Variants in SEMA3A observed in about 807,000 individuals in gnomAD.
SEMA3A encodes the protein semaphorin-3A.
SEMA3A carries 29 observed loss-of-function variants against 97.9 expected under a neutral mutation model. The observed-to-expected ratio is 0.30, with a 90% confidence interval of 0.22 to 0.40. The LOEUF (loss-of-function observed/expected upper bound fraction) is 0.40, where lower values mean the gene tolerates loss of function less well. Among genes scored for constraint, SEMA3A ranks in the 10% least tolerant of loss-of-function variants. The pLI, the probability that SEMA3A is intolerant of heterozygous loss-of-function variation, is 1.00. For missense variants in SEMA3A, 763 were observed against 951.3 expected, an observed-to-expected ratio of 0.80 and a Z score of 2.60; for synonymous variants, 321 against 323.7, an observed-to-expected ratio of 0.99 and a Z score of 0.09.
At chr7:84,016,649 T>A (rs996054982) in intron 6 of SEMA3A, among the ~76,000 whole-genome samples, 4 of 152,164 alleles carry the variant, frequency 2.6e-5, no homozygotes, top group African/African-American at 9.6e-5. Flanking sequence ...CTCAGATGCA[T>A]ACTTTTCAAA....
At chr7:84,201,507 C>T (rs770087908) in intron 3 of SEMA3A, among the ~76,000 whole-genome samples, 3 of 151,920 alleles carry the variant, frequency 2.0e-5, no homozygotes, top group Admixed American at 1.3e-4. Context: ...CTTCTTTCCC[C>T]GCCCCCCAAT....
chr7:84,085,470 T>C (rs1794303776), intron 4 of SEMA3A, among the ~76,000 whole-genome samples: 1 of 152,006 alleles, frequency 6.6e-6, no homozygotes, highest in Admixed American at 6.6e-5. Context: ...TGAAAAACTG[T>C]AGTAAGACCA....
chr7:84,288,056 C>T (rs1800636680), intron 3 of SEMA3A, among the ~76,000 whole-genome samples: 1 of 152,076 alleles, frequency 6.6e-6, no homozygotes, highest in African/African-American at 2.4e-5. Context: ...GAAATAGATA[C>T]TTCCATCTTT....
intron 4 of SEMA3A, among the ~76,000 whole-genome samples, chr7:84,088,938 G>T (rs1012194935): frequency 6.6e-6 from 1 of 151,482 alleles, no homozygotes; most frequent in Admixed American, 6.6e-5. Context: ...ATTTTAAACA[G>T]TGAGGGAGGG....
chr7:84,163,285 ATG>A (rs1338851902), intron 1 of SEMA3A, among the ~76,000 whole-genome samples: 1 of 152,122 alleles, frequency 6.6e-6, no homozygotes, highest in Admixed American at 6.5e-5. Flanking sequence ...AGCGATATAT[ATG>A]TGTGTGTGAA....
At chr7:84,182,014 G>A (rs908036788) in intron 1 of SEMA3A, among the ~76,000 whole-genome samples, 4 of 152,008 alleles carry the variant, frequency 2.6e-5, no homozygotes, top group South Asian at 2.1e-4. Flanking sequence ...TTCTAATGAC[G>A]TCTAGATTTC....
At chr7:84,481,782 A>C (rs1806452954) in intron 1 of SEMA3A, among the ~76,000 whole-genome samples, 1 of 151,922 alleles carries the variant, frequency 6.6e-6, no homozygotes, top group African/African-American at 2.4e-5. Flanking sequence ...AAGTGGAAGA[A>C]ATGAATTTTA....
chr7:84,430,146 A>T (rs1256518283), intron 1 of SEMA3A, among the ~76,000 whole-genome samples: 1 of 151,866 alleles, frequency 6.6e-6, no homozygotes, highest in Non-Finnish European at 1.5e-5. Flanking sequence ...AATATAGCAC[A>T]ATTTTCTTTC....
At chr7:84,462,500 G>C (rs1197621328) in intron 1 of SEMA3A, among the ~76,000 whole-genome samples, 1 of 152,104 alleles carries the variant, frequency 6.6e-6, no homozygotes, top group Non-Finnish European at 1.5e-5. Flanking sequence ...GATCATTACA[G>C]ACTCTTATTT....
chr7:84,213,851 C>A (rs979310549), intron 3 of SEMA3A, among the ~76,000 whole-genome samples: 4 of 152,100 alleles, frequency 2.6e-5, no homozygotes, highest in Non-Finnish European at 4.4e-5. Flanking sequence ...ATAGTACTTT[C>A]ATTTCTAAAA....
Position 84,080,559 on chromosome 7 carries a change from CTTTTTTTTTTTTTTTTTT to C in SEMA3A, c.454-20019_454-20002del, listed in dbSNP as rs1050053968. Reference sequence around the variant, plus strand: ...AGTTTATAATTTGCAGCTTATAATTCTTTTTTTTTTTTTTTTTTTTTTTTTTTTTTGAGACGGAGTCTC... The same window carrying C: ...AGTTTATAATTTGCAGCTTATAATTCTTTTTTTTTTTTGAGACGGAGTCTC... On this transcript the variant is annotated intron_variant, in intron 4 of 16. Transcript: ENST00000265362. Among the ~76,000 whole-genome samples, 2 of 11,902 alleles carry C rather than the reference CTTTTTTTTTTTTTTTTTT, an allele frequency of 1.7e-4. 1 individual carries two copies. Among genetic ancestry groups the C allele is most frequent in the Non-Finnish European group, 2.8e-4 (2 of 7,218 alleles). 7.8% of individuals were successfully genotyped at this position (11,902 alleles called of 152,430 possible). A position where few individuals can be genotyped will look rare whatever the true frequency, so the allele number is the denominator to read the frequency against.
chr7:84,126,040 T>C (rs1055297534), intron 3 of SEMA3A, among the ~76,000 whole-genome samples: 2 of 152,154 alleles, frequency 1.3e-5, no homozygotes, highest in African/African-American at 4.8e-5. Flanking sequence ...ATTAATTTCA[T>C]TAACAATGTT....
chr7:84,332,339 A>G (rs1801927851), intron 2 of SEMA3A, among the ~76,000 whole-genome samples: 2 of 152,172 alleles, frequency 1.3e-5, no homozygotes, highest in Non-Finnish European at 2.9e-5. Flanking sequence ...ATTATTTTTC[A>G]TGTATATGTA....
intron 1 of SEMA3A, among the ~76,000 whole-genome samples, chr7:84,150,483 G>T (rs577992803): frequency 6.6e-6 from 1 of 152,174 alleles, no homozygotes; most frequent in Non-Finnish European, 1.5e-5. Flanking sequence ...GGTGACGGAC[G>T]GCACCTGGAG....
At chr7:84,455,841 A>T (rs1290691548) in intron 1 of SEMA3A, among the ~76,000 whole-genome samples, 1 of 151,984 alleles carries the variant, frequency 6.6e-6, no homozygotes, top group Non-Finnish European at 1.5e-5. Context: ...TTAGAAAAAG[A>T]TTTAACCAGT....
chr7:84,019,552 C>T (rs914223027), intron 6 of SEMA3A, among the ~76,000 whole-genome samples: 1 of 152,002 alleles, frequency 6.6e-6, no homozygotes, highest in Non-Finnish European at 1.5e-5. Context: ...CAAATATGTA[C>T]TTTAAAATTT....
chr7:84,438,233 C>T (rs17159035), intron 1 of SEMA3A, among the ~76,000 whole-genome samples: 4,063 of 152,098 alleles, frequency 0.027, 170 homozygotes, highest in African/African-American at 0.091. Context: ...AAATACTGTA[C>T]TCAAGAAGTT....
At chr7:84,366,236 A>G (rs1802845077) in intron 2 of SEMA3A, among the ~76,000 whole-genome samples, 1 of 151,388 alleles carries the variant, frequency 6.6e-6, no homozygotes, top group African/African-American at 2.4e-5. Context: ...TCAGAAATGA[A>G]AACTTACAAC....
intron 1 of SEMA3A, among the ~76,000 whole-genome samples, chr7:84,373,200 G>A (rs1362205296): frequency 2.0e-5 from 3 of 152,072 alleles, no homozygotes; most frequent in African/African-American, 7.2e-5. Context: ...CTCACACATC[G>A]GATAACTCCA....
Sources: allele counts gnomAD v4.1 joint callset (sites outside exome capture counted in the v4.1 genomes callset), GRCh38; gene constraint gnomAD v4.1.1; transcripts MANE v1.5; gene names NCBI Gene and HGNC (gene_info 2026-07-23, HGNC 2026-07-21).